RNF220: variants seen among roughly 807,000 people sequenced by gnomAD.
The protein encoded by RNF220 is E3 ubiquitin-protein ligase RNF220.
In RNF220, 7 loss-of-function variants were observed where a neutral mutation model predicts 67.1. The observed-to-expected ratio is 0.10, with a 90% CI of 0.06 to 0.20. The LOEUF is 0.20. Ranked by LOEUF, RNF220 falls within the 10% of genes least tolerant of loss-of-function variation. The pLI is 1.00. For missense variants in RNF220, 565 were observed against 740.3 expected, an observed-to-expected ratio of 0.76 and a Z score of 2.75; for synonymous variants, 270 against 283.2, an observed-to-expected ratio of 0.95 and a Z score of 0.47.
intron 2 of RNF220, 114 bp from the exon 3 acceptor site, chr1:44,614,051 A>T: frequency 7.0e-7 from 1 of 1,421,944 alleles, no homozygotes; most frequent in Non-Finnish European, 9.6e-7. Context: ...CCCCTCCTCT[A>T]GGCCAAGAAG....
chr1:44,556,716 G>A lies in RNF220; in HGVS notation c.626-57449G>A, dbSNP rs942890462. 2.2e-4 allele frequency among the ~76,000 whole-genome samples: 34 copies of A among 151,862 alleles called. 1 individual carries two copies. Among genetic ancestry groups the A allele is most frequent in the African/African-American group, 5.8e-4 (24 of 41,320 alleles). ...CTGGGACTACAGGCGCCTGCACCAC[G>A]CCCTGCTAATTTTTTCCATTTTTTA... On this transcript the variant is annotated intron_variant, in intron 2 of 14. Coordinates refer to ENST00000361799, the MANE Select transcript of RNF220 (RefSeq NM_018150.4).
intron 2 of RNF220, among the ~76,000 whole-genome samples, chr1:44,580,339 G>A (rs1478991003): frequency 2.0e-5 from 3 of 152,122 alleles, no homozygotes; most frequent in African/African-American, 7.2e-5. Context: ...GAGTGCCTAT[G>A]GGTCAGGATA....
Position 44,645,219 on chromosome 1 carries a change from A to G in RNF220, c.1311-2A>G. 1 of 1,613,976 alleles carries G rather than the reference A, an allele frequency of 6.2e-7. No individual in the cohort carries two copies. Among genetic ancestry groups the G allele is most frequent in the Non-Finnish European group, 8.5e-7 (1 of 1,179,988 alleles). On this transcript the variant is annotated splice_acceptor_variant, in intron 10 of 14. Transcript: ENST00000361799. LOFTEE classifies it high-confidence loss of function. The surrounding 1 kb of genome is among the most constrained non-coding windows in gnomAD (Gnocchi z 5.0). ...TTGTTTTTCCTCCCTCCTTTCCTCC[A>G]GTGGCGGCCCTCCCAGCACGCGCAT...
intron 2 of RNF220, among the ~76,000 whole-genome samples, chr1:44,610,499 TGA>T (rs1235529867): frequency 1.3e-5 from 2 of 152,128 alleles, no homozygotes; most frequent in African/African-American, 4.8e-5. Flanking sequence ...CCTGACCTCC[TGA>T]GGGAGCGAGG....
intron 1 of RNF220, chr1:44,408,744 T>C (rs1465915077): frequency 6.6e-6 from 1 of 151,548 alleles, no homozygotes. Flanking sequence ...GCATTTTAAT[T>C]GCCAGCAGAG....
At chr1:44,495,624 C>T (rs574186039) in intron 2 of RNF220, among the ~76,000 whole-genome samples, 52 of 152,250 alleles carry the variant, frequency 3.4e-4, no homozygotes, top group African/African-American at 1.2e-3. Flanking sequence ...TTAATAGAGA[C>T]GGGGTTTCAC....
chr1:44,438,658 G>A (rs1449522099), intron 2 of RNF220, among the ~76,000 whole-genome samples: 1 of 152,160 alleles, frequency 6.6e-6, no homozygotes, highest in Non-Finnish European at 1.5e-5. Context: ...GGTGGCCTGT[G>A]ACCCATTTAA....
intron 2 of RNF220, among the ~76,000 whole-genome samples, chr1:44,457,677 G>A (rs1572562117): frequency 6.6e-6 from 1 of 152,068 alleles, no homozygotes; most frequent in South Asian, 2.1e-4. Context: ...TCTTCATCTA[G>A]GGCTGTTCCA....
chr1:44,542,463 G>A (rs1661748668), intron 2 of RNF220, among the ~76,000 whole-genome samples: 1 of 152,200 alleles, frequency 6.6e-6, no homozygotes, highest in Non-Finnish European at 1.5e-5. Flanking sequence ...AGGGAATTTA[G>A]CAGAAAGTAA....
intron 2 of RNF220, among the ~76,000 whole-genome samples, chr1:44,464,783 A>G (rs761513380): frequency 9.2e-5 from 14 of 152,046 alleles, no homozygotes; most frequent in Non-Finnish European, 1.9e-4. Context: ...TCTCTTCTTC[A>G]TTCTCACTAC....
At chr1:44,445,500 A>T (rs1651980589) in intron 2 of RNF220, among the ~76,000 whole-genome samples, 2 of 151,906 alleles carry the variant, frequency 1.3e-5, no homozygotes, top group Admixed American at 1.3e-4. Flanking sequence ...CTCTTGCTAG[A>T]TCCTCTCAAC....
intron 2 of RNF220, among the ~76,000 whole-genome samples, chr1:44,558,234 C>A (rs996139962): frequency 6.6e-6 from 1 of 152,212 alleles, no homozygotes; most frequent in African/African-American, 2.4e-5. Context: ...GCCCTGAAAT[C>A]ATCCTGCCAA....
chr1:44,479,938 C>T (rs2148017182), intron 2 of RNF220, among the ~76,000 whole-genome samples: 1 of 152,282 alleles, frequency 6.6e-6, no homozygotes, highest in African/African-American at 2.4e-5. Context: ...AGATACGTTT[C>T]CTGCCTTCCA....
chr1:44,573,210 A>G (rs1166778560), intron 2 of RNF220, among the ~76,000 whole-genome samples: 1 of 152,104 alleles, frequency 6.6e-6, no homozygotes, highest in Admixed American at 6.5e-5. Context: ...GCATTATCTC[A>G]TTTACCCTTC....
At position 44,539,678 on chromosome 1, in the gene RNF220, G is replaced by A. The variant is rs185312295; in HGVS notation, c.626-74487G>A. On this transcript the variant is annotated intron_variant, in intron 2 of 14. Transcript: ENST00000361799. ...CACTAAAGTCAGTCTTAAAGGATGA[G>A]TAGTGTTTACTAAGCTCTCCCCAAA... Among the ~76,000 whole-genome samples the A allele has an allele frequency of 1.9e-4, 29 of 152,318 alleles. No individual in the cohort carries two copies. The East Asian group carries it at 4.4e-3, about 23-fold the overall frequency.
intron 2 of RNF220, chr1:44,545,613 G>A (rs958944023): frequency 1.3e-5 from 2 of 154,438 alleles, no homozygotes; most frequent in South Asian, 4.1e-4. Flanking sequence ...CAGTGGGGGT[G>A]GGGGTGCAGA....
chr1:44,451,100 G>A (rs1198927437), intron 2 of RNF220, among the ~76,000 whole-genome samples: 6 of 151,784 alleles, frequency 4.0e-5, no homozygotes, highest in Non-Finnish European at 7.4e-5. Flanking sequence ...GGAGAATGGC[G>A]TGAACCTGGG....
chr1:44,519,884 C>T (rs1463655080), intron 2 of RNF220, among the ~76,000 whole-genome samples: 1 of 152,026 alleles, frequency 6.6e-6, no homozygotes, highest in Middle Eastern at 3.2e-3. Context: ...CTTCTAGGGG[C>T]AGTTGGTAAC....
At position 44,649,111 on chromosome 1, in the gene RNF220, G is replaced by A. The variant is rs1644723590; in HGVS notation, c.1446-550G>A. On this transcript the variant is annotated intron_variant, in intron 12 of 14. Transcript: ENST00000361799. The surrounding 1 kb of genome is among the most constrained non-coding windows in gnomAD (Gnocchi z 5.9). ...AGTCGAGCATAAAATGCGTGGCAAG[G>A]TCCTCAGGGGTACGGCGGGCTGGGG... 1 of 167,350 alleles carries A rather than the reference G, an allele frequency of 6.0e-6. No homozygotes were observed. The highest frequency in any genetic ancestry group is 1.3e-5 in the Non-Finnish European group (1 of 76,726). The allele number at this position is 167,350 out of a possible 1,614,324, so 10.4% of individuals were successfully genotyped here. A position where few individuals can be genotyped will look rare whatever the true frequency, so the allele number is the denominator to read the frequency against.
Sources: allele counts gnomAD v4.1 joint callset (sites outside exome capture counted in the v4.1 genomes callset), GRCh38; gene constraint gnomAD v4.1.1; non-coding constraint Gnocchi (gnomAD v3.1); transcripts MANE v1.5; gene names NCBI Gene and HGNC (gene_info 2026-07-23, HGNC 2026-07-21).